CPNE4: variants seen among roughly 807,000 people sequenced by gnomAD.
CPNE4 encodes the protein copine-4.
In CPNE4, 25 loss-of-function variants were observed where a neutral mutation model predicts 67.9. The ratio of observed to expected loss-of-function variants is 0.37; its 90% CI spans 0.27 to 0.51. The LOEUF is 0.51. Among genes scored for constraint, CPNE4 ranks in the 20% least tolerant of loss-of-function variants. CPNE4 has a pLI of 0.93. For synonymous variants in CPNE4, 242 were observed against 244.9 expected (o/e 0.99, Z 0.11); for missense variants, 464 against 690.8 (o/e 0.67, Z 3.68).
intron 2 of CPNE4, among the ~76,000 whole-genome samples, chr3:131,872,895 T>C (rs1040584625): frequency 6.6e-5 from 10 of 152,240 alleles, no homozygotes. Context: ...CTTCAAATTT[T>C]CTAGCAAAGA....
At chr3:131,951,761 C>T (rs1373748488) in intron 1 of CPNE4, among the ~76,000 whole-genome samples, 3 of 152,288 alleles carry the variant, frequency 2.0e-5, no homozygotes, top group Admixed American at 1.3e-4. Flanking sequence ...GATGGGGTTT[C>T]GCTGTGTTGG....
intron 6 of CPNE4, among the ~76,000 whole-genome samples, chr3:131,683,174 C>T (rs1583016381): frequency 6.6e-6 from 1 of 152,268 alleles, no homozygotes; most frequent in South Asian, 2.1e-4. Flanking sequence ...CAAGTCCCCT[C>T]TACTTGTCCC....
chr3:131,853,594 T>C (rs1187811241), intron 2 of CPNE4, among the ~76,000 whole-genome samples: 1 of 151,760 alleles, frequency 6.6e-6, no homozygotes, highest in African/African-American at 2.4e-5. Flanking sequence ...TTAACCAAAC[T>C]TTTTTTCTCT....
intron 2 of CPNE4, among the ~76,000 whole-genome samples, chr3:131,876,564 C>G (rs1166456671): frequency 6.9e-6 from 1 of 145,030 alleles, no homozygotes; most frequent in East Asian, 2.0e-4. Context: ...ATGGCGTGAA[C>G]CCGGGAGGCG....
chr3:131,682,334 T>C (rs560421862), intron 6 of CPNE4, among the ~76,000 whole-genome samples: 3 of 152,308 alleles, frequency 2.0e-5, no homozygotes, highest in Non-Finnish European at 4.4e-5. Flanking sequence ...TTTTGGTCAC[T>C]GTGACTGTAT....
intron 9 of CPNE4, among the ~76,000 whole-genome samples, chr3:131,575,896 G>A (rs568615355): frequency 6.6e-6 from 1 of 152,164 alleles, no homozygotes; most frequent in South Asian, 2.1e-4. Flanking sequence ...GTGTTCTCAA[G>A]TACCTTAGGG....
At chr3:131,679,344 A>G (rs1239028262) in intron 6 of CPNE4, among the ~76,000 whole-genome samples, 4 of 151,380 alleles carry the variant, frequency 2.6e-5, no homozygotes, top group African/African-American at 4.9e-5. Context: ...TAGTATAGCT[A>G]GTGGTCTACT....
intron 7 of CPNE4, among the ~76,000 whole-genome samples, chr3:131,650,528 C>T (rs1308784852): frequency 2.8e-5 from 4 of 142,114 alleles, no homozygotes; most frequent in East Asian, 3.9e-4. Flanking sequence ...GAGGCCGAGG[C>T]GGGTGGATCA....
At chr3:131,927,588 A>G (rs1406299065) in intron 1 of CPNE4, among the ~76,000 whole-genome samples, 3 of 152,232 alleles carry the variant, frequency 2.0e-5, no homozygotes, top group African/African-American at 7.2e-5. Flanking sequence ...TGCCAAGTTC[A>G]GTGCTTGGCT....
rs560827357 is a variant in CPNE4 at position 131,655,653 on chromosome 3, G to A, written c.681+14022C>T. On this transcript the variant is annotated intron_variant, in intron 7 of 15. Coordinates refer to ENST00000429747, the MANE Select transcript of CPNE4 (RefSeq NM_130808.3). Reference sequence around the variant, plus strand: ...CCACAGGAAATGAAACCGACGTCGGGGGGCAGGGGGGTGGAGACAAGTAGG... The same window carrying A: ...CCACAGGAAATGAAACCGACGTCGGAGGGCAGGGGGGTGGAGACAAGTAGG... Among the ~76,000 whole-genome samples, 13 of 152,198 alleles carry A rather than the reference G, an allele frequency of 8.5e-5. No individual in the cohort carries two copies. The East Asian group carries it at 1.2e-3, about 14-fold the overall frequency.
At chr3:131,885,181 T>C (rs2087830836) in intron 2 of CPNE4, among the ~76,000 whole-genome samples, 1 of 152,168 alleles carries the variant, frequency 6.6e-6, no homozygotes, top group Non-Finnish European at 1.5e-5. Context: ...TGAGGTGGTC[T>C]CAAATGGAGA....
At chr3:131,654,290 T>C (rs1409144349) in intron 7 of CPNE4, among the ~76,000 whole-genome samples, 1 of 152,108 alleles carries the variant, frequency 6.6e-6, no homozygotes. Context: ...GGTATGGGTG[T>C]GTTGTTATAT....
chr3:131,802,581 G>A (rs967724984), intron 2 of CPNE4, among the ~76,000 whole-genome samples: 1 of 152,118 alleles, frequency 6.6e-6, no homozygotes, highest in African/African-American at 2.4e-5. Flanking sequence ...AGGACAGCAC[G>A]GACAGACACT....
intron 1 of CPNE4, among the ~76,000 whole-genome samples, chr3:132,028,889 A>G (rs543201136): frequency 0.012 from 1,871 of 152,042 alleles, 32 homozygotes; most frequent in African/African-American, 0.04. Flanking sequence ...GATTTTTTAA[A>G]ATTTTGTGTT....
At chr3:131,940,936 G>A (rs753490698) in intron 1 of CPNE4, among the ~76,000 whole-genome samples, 3 of 152,038 alleles carry the variant, frequency 2.0e-5, no homozygotes, top group Non-Finnish European at 4.4e-5. Flanking sequence ...TTTGGAATTG[G>A]TGTTAAAACT....
intron 1 of CPNE4, among the ~76,000 whole-genome samples, chr3:131,940,815 G>C (rs1258294083): frequency 6.6e-6 from 1 of 152,072 alleles, no homozygotes; most frequent in Non-Finnish European, 1.5e-5. Flanking sequence ...GGAGATGTCG[G>C]TGTCTTTCTT....
intron 7 of CPNE4, among the ~76,000 whole-genome samples, chr3:131,614,464 C>T (rs1039476987): frequency 1.3e-5 from 2 of 152,160 alleles, no homozygotes; most frequent in Non-Finnish European, 2.9e-5. Context: ...GACATGAGAA[C>T]AGTGTCTGAT....
At chr3:131,931,805 T>C (rs1282193417) in intron 1 of CPNE4, among the ~76,000 whole-genome samples, 11 of 152,210 alleles carry the variant, frequency 7.2e-5, no homozygotes, top group Non-Finnish European at 1.5e-4. Flanking sequence ...GAGAAATTAC[T>C]TTACTTCTAT....
intron 2 of CPNE4, among the ~76,000 whole-genome samples, chr3:131,765,590 T>C (rs567443919): frequency 1.3e-5 from 2 of 152,228 alleles, no homozygotes; most frequent in African/African-American, 4.8e-5. Context: ...TCTTAGACAC[T>C]ATGAGGACTC....
Sources: allele counts gnomAD v4.1 joint callset (sites outside exome capture counted in the v4.1 genomes callset), GRCh38; gene constraint gnomAD v4.1.1; transcripts MANE v1.5; gene names NCBI Gene and HGNC (gene_info 2026-07-23, HGNC 2026-07-21).